OBI1: variants seen among roughly 807,000 people sequenced by gnomAD.
OBI1 encodes the protein ORC ubiquitin ligase 1.
Under a neutral mutation model 62.4 loss-of-function variants are expected in OBI1, and 59 were observed. The ratio of observed to expected loss-of-function variants is 0.95; its 90% CI spans 0.77 to 1.17. The LOEUF (loss-of-function observed/expected upper bound fraction) is 1.17. Ranked by LOEUF, OBI1 falls within the 50% of genes most tolerant of loss-of-function variation. The pLI is 0.00. For synonymous variants in OBI1, 302 were observed against 292.8 expected (o/e 1.03, Z -0.32); for missense variants, 875 against 830.9 (o/e 1.05, Z -0.65).
Position 78,621,623 on chromosome 13 carries a change from T to C in OBI1, c.639-4501A>G, listed in dbSNP as rs1343331569. Among the ~76,000 whole-genome samples the C allele has an allele frequency of 2.6e-5, 4 of 152,216 alleles. No individual in the cohort carries two copies. In the East Asian group the frequency reaches 7.7e-4, roughly 29 times the overall value. ...AATTGAAATCAAATGTAAATGTAGT[T>C]ATGGAAGAAATCACTGACTGTGGGA... On this transcript the variant is annotated intron_variant, in intron 5 of 5. Coordinates refer to ENST00000282003, the MANE Select transcript of OBI1 (RefSeq NM_024546.4).
At chr13:78,648,260 T>C (rs1427186224) in intron 1 of OBI1, among the ~76,000 whole-genome samples, 1 of 147,336 alleles carries the variant, frequency 6.8e-6, no homozygotes, top group Non-Finnish European at 1.5e-5. Context: ...CTGCCTTATC[T>C]ATCCTGTAAC....
chr13:78,637,028 T>C (rs544811177), intron 4 of OBI1, among the ~76,000 whole-genome samples: 1 of 152,298 alleles, frequency 6.6e-6, no homozygotes, highest in South Asian at 2.1e-4. Context: ...AAGGGCAGAG[T>C]TCTGCCTACC....
chr13:78,616,043 C>T lies in OBI1; in HGVS notation c.1718G>A (p.Gly573Asp), dbSNP rs1875269017. The change falls in exon 6 of 6, where the codon GGC becomes GAC. Residue 573 changes from glycine to aspartate, a missense_variant. Gly to Asp is a moderately conservative substitution (Grantham distance 94). Coordinates refer to ENST00000282003, the MANE Select transcript of OBI1 (RefSeq NM_024546.4). ...DLDGLSKSSQ[G>D]SEFLEEPDKL... is the part of the protein sequence containing the mutation. Reference sequence around the variant, plus strand: ...ATCAGGTTCCTCAAGAAATTCACTGCCTTGAGATGACTTTGATAACCCATC... The same window carrying T: ...ATCAGGTTCCTCAAGAAATTCACTGTCTTGAGATGACTTTGATAACCCATC... 9 of 1,614,078 alleles carry T rather than the reference C, an allele frequency of 5.6e-6. No homozygotes were observed. The highest frequency in any genetic ancestry group is 1.7e-5 in the Admixed American group (1 of 60,016).
chr13:78,633,892 C>G (rs1412728988), intron 5 of OBI1, among the ~76,000 whole-genome samples: 1 of 151,772 alleles, frequency 6.6e-6, no homozygotes. Context: ...ACGGTGAAAC[C>G]CCGTCTCTAC....
At chr13:78,635,238 A>T in intron 4 of OBI1, 40 bp from the exon 5 acceptor site, 2 of 1,237,336 alleles carry the variant, frequency 1.6e-6, no homozygotes, top group Non-Finnish European at 2.4e-6. Context: ...AAAAGCTACA[A>T]TAAAAGTGAC....
In OBI1 at chr13:78,617,083, T is replaced by C; in HGVS notation, c.678A>G (p.Val226=). 1.3e-6 allele frequency: 2 copies of C among 1,582,936 alleles called. No homozygotes were observed. Among genetic ancestry groups the C allele is most frequent in the Non-Finnish European group, 1.7e-6 (2 of 1,166,296 alleles). ...RFAVAALQSK[V]EQYERETNRL... ...GATTGGTTTCACGCTCATACTGTTC[T>C]ACTTTGGACTGAAGAGCAGCAACTG... is the stretch of plus-strand genomic sequence containing the variant. Residue 226 remains valine (V), a synonymous_variant, in exon 6 of 6, where the codon GTA becomes GTG. Transcript: ENST00000282003.
chr13:78,623,968 A>C (rs1875590370), intron 5 of OBI1, among the ~76,000 whole-genome samples: 1 of 152,230 alleles, frequency 6.6e-6, no homozygotes, highest in Admixed American at 6.5e-5. Flanking sequence ...ATTTAACCAG[A>C]GATATAAAGA....
chr13:78,629,481 G>GA (rs368088149), intron 5 of OBI1, among the ~76,000 whole-genome samples: 6 of 150,986 alleles, frequency 4.0e-5, no homozygotes, highest in African/African-American at 7.3e-5. Context: ...AGTGGCTAGA[G>GA]AAAAAAAAAG....
chr13:78,619,084 T>G (rs908302292), intron 5 of OBI1, among the ~76,000 whole-genome samples: 1 of 152,252 alleles, frequency 6.6e-6, no homozygotes, highest in African/African-American at 2.4e-5. Flanking sequence ...TAAAATTTTT[T>G]ATAATAAAGG....
Position 78,638,807 on chromosome 13 carries a change from A to T in OBI1, c.549+16T>A. On this transcript the variant is annotated intron_variant, in intron 4 of 5. Coordinates refer to ENST00000282003, the MANE Select transcript of OBI1 (RefSeq NM_024546.4). Reference sequence around the variant, plus strand: ...TTAAAAACAACCATAATAGATTTTTAAAAACCACAACTTACCTCCTTTAGC... The same window carrying T: ...TTAAAAACAACCATAATAGATTTTTTAAAACCACAACTTACCTCCTTTAGC... 2 of 1,591,532 alleles carry T rather than the reference A, an allele frequency of 1.3e-6. No individual in the cohort carries two copies. Among genetic ancestry groups the T allele is most frequent in the East Asian group, 2.2e-5 (1 of 44,682 alleles).
intron 5 of OBI1, among the ~76,000 whole-genome samples, chr13:78,618,532 C>A (rs1875400959): frequency 2.0e-5 from 3 of 152,128 alleles, no homozygotes; most frequent in African/African-American, 7.2e-5. Flanking sequence ...TCAACCCCTA[C>A]ATAATCCCTG....
chr13:78,640,464 G>A lies in OBI1; in HGVS notation c.301-1393C>T, dbSNP rs550318685. On this transcript the variant is annotated intron_variant, in intron 3 of 5. Transcript: ENST00000282003. ...ATTTATTTTTTTAATTTTCAATCTT[G>A]GTTGTTTGAATCCACAGATGATGAA... 4.4e-4 allele frequency among the ~76,000 whole-genome samples: 67 copies of A among 151,818 alleles called. No individual in the cohort carries two copies. The South Asian group carries it at 0.013, about 30-fold the overall frequency.
At chr13:78,640,023 AAAAC>A (rs1269086034) in intron 3 of OBI1, among the ~76,000 whole-genome samples, 20 of 152,268 alleles carry the variant, frequency 1.3e-4, no homozygotes, top group East Asian at 5.8e-4. Flanking sequence ...AAAACAAAAC[AAAAC>A]AAACAAACAA....
At chr13:78,647,546 C>A (rs1465548678) in intron 1 of OBI1, among the ~76,000 whole-genome samples, 2 of 152,198 alleles carry the variant, frequency 1.3e-5, no homozygotes, top group East Asian at 1.9e-4. Context: ...TTCTTGCTGA[C>A]CTTCTCCCCA....
chr13:78,635,403 G>A (rs904668624), intron 4 of OBI1, among the ~76,000 whole-genome samples: 2 of 152,118 alleles, frequency 1.3e-5, no homozygotes, highest in Non-Finnish European at 2.9e-5. Flanking sequence ...TATTCCCCAA[G>A]CACTTTGCAA....
intron 5 of OBI1, among the ~76,000 whole-genome samples, chr13:78,623,360 T>A (rs1875570236): frequency 6.6e-6 from 1 of 151,278 alleles, no homozygotes; most frequent in Non-Finnish European, 1.5e-5. Flanking sequence ...CATAACTGAC[T>A]ACTATTGACA....
At chr13:78,620,278 A>G (rs143748292) in intron 5 of OBI1, among the ~76,000 whole-genome samples, 11 of 152,340 alleles carry the variant, frequency 7.2e-5, no homozygotes, top group Admixed American at 7.2e-4. Flanking sequence ...GGGTTTTAAT[A>G]CTTTTGTATT....
At chr13:78,650,274 T>C (rs1876508819) in intron 1 of OBI1, among the ~76,000 whole-genome samples, 1 of 151,972 alleles carries the variant, frequency 6.6e-6, no homozygotes, top group Non-Finnish European at 1.5e-5. Context: ...ATGATAACAG[T>C]GAAAAAGTGA....
At chr13:78,636,697 G>C (rs1361550487) in intron 4 of OBI1, among the ~76,000 whole-genome samples, 2 of 152,144 alleles carry the variant, frequency 1.3e-5, no homozygotes, top group African/African-American at 4.8e-5. Flanking sequence ...TTAAGTGACT[G>C]ATAAACACCA....
Sources: gnomAD v4.1 joint callset for allele counts (sites outside exome capture counted in the v4.1 genomes callset) on GRCh38, gnomAD v4.1.1 for gene constraint, MANE v1.5 for transcripts, NCBI Gene and HGNC (gene_info 2026-07-23, HGNC 2026-07-21) for gene names.